The following SEMA6D variants were observed in gnomAD, a reference collection of about 807,000 sequenced individuals.
The protein encoded by SEMA6D is semaphorin 6D, also known as semaphorin-6D.
Under a neutral mutation model 106.6 loss-of-function variants are expected in SEMA6D, and 35 were observed. The ratio of observed to expected loss-of-function variants is 0.33; its 90% CI spans 0.25 to 0.44. The LOEUF is 0.44. Among genes scored for constraint, SEMA6D ranks in the 20% least tolerant of loss-of-function variants. SEMA6D has a pLI of 1.00. For synonymous variants in SEMA6D, 499 were observed against 487.7 expected (o/e 1.02, Z -0.31); for missense variants, 1,185 against 1,345.9 (o/e 0.88, Z 1.87).
intron 1 of SEMA6D, among the ~76,000 whole-genome samples, chr15:47,750,961 G>C (rs910898435): frequency 6.6e-6 from 1 of 152,190 alleles, no homozygotes; most frequent in Non-Finnish European, 1.5e-5. Context: ...AGAGTTACTT[G>C]GTGAGCCTGG....
intron 3 of SEMA6D, among the ~76,000 whole-genome samples, chr15:47,596,471 C>T (rs2076538359): frequency 6.6e-6 from 1 of 151,944 alleles, no homozygotes; most frequent in South Asian, 2.1e-4. Flanking sequence ...ACCAAATAGC[C>T]AAAGCAATCT....
chr15:47,651,770 T>G (rs147570081), intron 4 of SEMA6D, among the ~76,000 whole-genome samples: 1,609 of 152,380 alleles, frequency 0.011, 18 homozygotes, highest in South Asian at 0.045. Flanking sequence ...CCTGCACATT[T>G]TCTGATACAC....
rs143012361 is a variant in SEMA6D, at chr15:47,260,772, G to C, written c.-239+76354G>C. Among the ~76,000 whole-genome samples, 138 of 152,190 alleles carry C rather than the reference G, an allele frequency of 9.1e-4. 4 individuals carry two copies. In the East Asian group the frequency reaches 0.022, roughly 25 times the overall value. On this transcript the variant is annotated intron_variant, in intron 1 of 19. Coordinates refer to the SEMA6D transcript ENST00000558014. ...GAATGGGGGAATTTAAAACCTGGGA[G>C]GGAAAAATAGTGCTTTCCTTGGACA...
chr15:47,354,890 C>T (rs1182659265), intron 1 of SEMA6D, among the ~76,000 whole-genome samples: 1 of 152,162 alleles, frequency 6.6e-6, no homozygotes, highest in Non-Finnish European at 1.5e-5. Flanking sequence ...TGTGTGTCTT[C>T]AGCCCTACGG....
chr15:47,456,568 C>G (rs2042352829), intron 2 of SEMA6D, among the ~76,000 whole-genome samples: 1 of 152,004 alleles, frequency 6.6e-6, no homozygotes, highest in Non-Finnish European at 1.5e-5. Flanking sequence ...GAAAAGATTA[C>G]TTCTACTTTT....
intron 1 of SEMA6D, among the ~76,000 whole-genome samples, chr15:47,262,721 G>A (rs1808348711): frequency 1.3e-5 from 2 of 151,992 alleles, no homozygotes; most frequent in Admixed American, 6.6e-5. Context: ...TGGAACCACA[G>A]AAGAGCCCTA....
chr15:47,531,780 TC>T (rs2044979127), intron 3 of SEMA6D, among the ~76,000 whole-genome samples: 1 of 152,148 alleles, frequency 6.6e-6, no homozygotes, highest in African/African-American at 2.4e-5. Flanking sequence ...TCCTGCAGTC[TC>T]CCCCATGCCT....
intron 4 of SEMA6D, among the ~76,000 whole-genome samples, chr15:47,701,229 A>G (rs1305724328): frequency 2.0e-5 from 3 of 152,190 alleles, no homozygotes; most frequent in African/African-American, 7.2e-5. Context: ...ATATATAAAG[A>G]ACACTTAAAA....
chr15:47,766,712 CT>C (rs1237199623), intron 16 of SEMA6D, 35 bp downstream of exon 16: 2 of 1,405,146 alleles, frequency 1.4e-6, no homozygotes, highest in Non-Finnish European at 2.0e-6. Context: ...CCTGGAGCTT[CT>C]TTTTGACCAC....
At chr15:47,251,815 T>C (rs1166928404) in intron 1 of SEMA6D, among the ~76,000 whole-genome samples, 1 of 152,112 alleles carries the variant, frequency 6.6e-6, no homozygotes, top group Non-Finnish European at 1.5e-5. Flanking sequence ...TTAAAGATAT[T>C]GAACCTCTGT....
intron 1 of SEMA6D, among the ~76,000 whole-genome samples, chr15:47,280,205 T>G (rs929625694): frequency 2.4e-4 from 36 of 152,206 alleles, no homozygotes; most frequent in African/African-American, 5.3e-4. Flanking sequence ...CAATTTCAGA[T>G]CCTGTTATTG....
At chr15:47,745,185 C>G (rs1367305144) in intron 1 of SEMA6D, among the ~76,000 whole-genome samples, 2 of 152,198 alleles carry the variant, frequency 1.3e-5, no homozygotes, top group Non-Finnish European at 2.9e-5. Flanking sequence ...ACAGTTGTAC[C>G]TTTAGCCTTG....
At chr15:47,543,543 A>G (rs1441558603) in intron 3 of SEMA6D, among the ~76,000 whole-genome samples, 5 of 152,150 alleles carry the variant, frequency 3.3e-5, no homozygotes, top group Non-Finnish European at 7.4e-5. Context: ...ATAAATTCCC[A>G]GTCTCAGGTA....
intron 1 of SEMA6D, among the ~76,000 whole-genome samples, chr15:47,210,163 G>A (rs1566927706): frequency 1.3e-5 from 2 of 152,134 alleles, no homozygotes; most frequent in East Asian, 3.9e-4. Context: ...TTAAAATAAA[G>A]GGACTTTTCA....
intron 4 of SEMA6D, among the ~76,000 whole-genome samples, chr15:47,615,586 C>CA (rs931164818): frequency 1.8e-4 from 27 of 151,548 alleles, no homozygotes; most frequent in African/African-American, 5.3e-4. Context: ...TCACCTATTG[C>CA]AAAAAAAATC....
rs2077606223 is a variant in SEMA6D, at chr15:47,647,655, GT to G, written c.-55+46761del. 2.7e-5 allele frequency among the ~76,000 whole-genome samples: 4 copies of G among 150,708 alleles called. No individual in the cohort carries two copies. The South Asian group carries it at 8.4e-4, about 32-fold the overall frequency. On this transcript the variant is annotated intron_variant, in intron 4 of 19. Coordinates refer to the SEMA6D transcript ENST00000558014. ...AATTCGCATATTTTGACTCTTTAAC[GT>G]TCTATTGAATGGAGTTTTGCTAAAT...
At chr15:47,348,760 A>AGAGAGAGAGATT (rs1278377247) in intron 1 of SEMA6D, among the ~76,000 whole-genome samples, 1 of 115,836 alleles carries the variant, frequency 8.6e-6, no homozygotes, top group African/African-American at 2.7e-5. Context: ...AGAGAGAGAG[A>AGAGAGAGAGATT]GAGAGATTTT....
At chr15:47,366,885 CA>C (rs2039048376) in intron 1 of SEMA6D, among the ~76,000 whole-genome samples, 2 of 152,138 alleles carry the variant, frequency 1.3e-5, no homozygotes, top group Non-Finnish European at 2.9e-5. Flanking sequence ...GAAAATTTAT[CA>C]AGAAATGGAT....
chr15:47,678,833 A>C (rs1345891900), intron 4 of SEMA6D, among the ~76,000 whole-genome samples: 1 of 151,982 alleles, frequency 6.6e-6, no homozygotes, highest in South Asian at 2.1e-4. Flanking sequence ...ATTTTATTTG[A>C]TCTTCACATA....
Sources: gnomAD v4.1 joint callset for allele counts (sites outside exome capture counted in the v4.1 genomes callset) on GRCh38, gnomAD v4.1.1 for gene constraint, MANE v1.5 for transcripts, NCBI Gene and HGNC (gene_info 2026-07-23, HGNC 2026-07-21) for gene names.